Variants in CSMD1 observed in about 807,000 individuals in gnomAD.
CSMD1 encodes CUB and sushi domain-containing protein 1.
Under a neutral mutation model 417.5 loss-of-function variants are expected in CSMD1, and 213 were observed. The ratio of observed to expected loss-of-function variants is 0.51; its 90% CI spans 0.46 to 0.57. CSMD1 has a LOEUF of 0.57. Ranked by LOEUF, CSMD1 falls within the 20% of genes least tolerant of loss-of-function variation. CSMD1 has a pLI of 0.00. For synonymous variants in CSMD1, 2,862 were observed against 1,736.8 expected, an observed-to-expected ratio of 1.65 and a Z score of -16.11; for missense variants, 6,923 against 4,529.7, an observed-to-expected ratio of 1.53 and a Z score of -15.17.
intron 5 of CSMD1, among the ~76,000 whole-genome samples, chr8:3,928,692 C>T (rs945230701): frequency 1.3e-5 from 2 of 150,070 alleles, no homozygotes; most frequent in African/African-American, 2.5e-5. Context: ...TAAATTGCTC[C>T]TGCTCTTTGG....
chr8:3,486,535 C>T (rs539298850), intron 11 of CSMD1, among the ~76,000 whole-genome samples: 1 of 151,976 alleles, frequency 6.6e-6, no homozygotes, highest in African/African-American at 2.4e-5. Flanking sequence ...TTTGGCTCCT[C>T]AGAGAAAATA....
chr8:3,896,691 T>C (rs542623051), intron 5 of CSMD1, among the ~76,000 whole-genome samples: 1 of 151,958 alleles, frequency 6.6e-6, no homozygotes, highest in Non-Finnish European at 1.5e-5. Flanking sequence ...TTCTTATTTT[T>C]ATTGGAGACG....
At chr8:4,520,983 C>A (rs1054744725) in intron 2 of CSMD1, among the ~76,000 whole-genome samples, 1 of 152,108 alleles carries the variant, frequency 6.6e-6, no homozygotes, top group African/African-American at 2.4e-5. Flanking sequence ...GAATTACATT[C>A]ATGGCTCATT....
At chr8:3,982,343 C>A (rs1016322277) in intron 5 of CSMD1, among the ~76,000 whole-genome samples, 4 of 151,718 alleles carry the variant, frequency 2.6e-5, no homozygotes, top group Non-Finnish European at 4.4e-5. Context: ...AATATTCTCA[C>A]CTGCAAAATG....
At chr8:4,248,160 T>C (rs956082877) in intron 3 of CSMD1, among the ~76,000 whole-genome samples, 2 of 152,160 alleles carry the variant, frequency 1.3e-5, no homozygotes, top group Non-Finnish European at 2.9e-5. Context: ...AAGAAAAAAA[T>C]TGCTTTGAAA....
intron 49 of CSMD1, among the ~76,000 whole-genome samples, chr8:3,065,590 A>G (rs1812888870): frequency 1.3e-5 from 2 of 152,022 alleles, no homozygotes; most frequent in African/African-American, 4.8e-5. Flanking sequence ...AGATACACAG[A>G]TCGATAGGAA....
chr8:4,377,591 C>G (rs924061762), intron 3 of CSMD1, among the ~76,000 whole-genome samples: 1 of 152,146 alleles, frequency 6.6e-6, no homozygotes, highest in Non-Finnish European at 1.5e-5. Context: ...CAAGTAAATT[C>G]TCAAAGCCTC....
chr8:3,283,682 C>T (rs1563223459), intron 26 of CSMD1, among the ~76,000 whole-genome samples: 1 of 152,084 alleles, frequency 6.6e-6, no homozygotes, highest in Non-Finnish European at 1.5e-5. Context: ...AACCTTCATT[C>T]CAGAAGGACA....
chr8:3,396,137 C>A, intron 17 of CSMD1, 57 bp downstream of exon 17: 2 of 1,444,108 alleles, frequency 1.4e-6, no homozygotes, highest in Non-Finnish European at 1.9e-6. Flanking sequence ...GAACCCAGAT[C>A]TTTAGTTCTC....
intron 1 of CSMD1, among the ~76,000 whole-genome samples, chr8:4,641,820 G>A (rs1280957713): frequency 6.6e-6 from 1 of 152,056 alleles, no homozygotes; most frequent in African/African-American, 2.4e-5. Flanking sequence ...AAATTCTGTC[G>A]TTCTTTAAAA....
At chr8:4,754,162 C>G (rs574537667) in intron 1 of CSMD1, among the ~76,000 whole-genome samples, 6 of 152,214 alleles carry the variant, frequency 3.9e-5, no homozygotes, top group Admixed American at 2.6e-4. Context: ...TCTGATTGAG[C>G]AAAGCATGGG....
chr8:3,316,133 T>C (rs988550801), intron 23 of CSMD1, among the ~76,000 whole-genome samples: 1 of 152,190 alleles, frequency 6.6e-6, no homozygotes, highest in African/African-American at 2.4e-5. Flanking sequence ...ACTGAAATAA[T>C]TTCACTCTAA....
intron 1 of CSMD1, among the ~76,000 whole-genome samples, chr8:4,983,873 G>T (rs947278116): frequency 1.8e-4 from 28 of 152,086 alleles, no homozygotes; most frequent in Non-Finnish European, 7.3e-5. Context: ...AAGATGGGTG[G>T]GCTTGAGATA....
At chr8:3,311,233 C>G (rs1205367152) in intron 23 of CSMD1, among the ~76,000 whole-genome samples, 1 of 152,018 alleles carries the variant, frequency 6.6e-6, no homozygotes, top group African/African-American at 2.4e-5. Context: ...ATGAGATAGT[C>G]CTCCCCACTA....
intron 1 of CSMD1, among the ~76,000 whole-genome samples, chr8:4,834,481 C>A (rs1350854287): frequency 6.6e-6 from 1 of 152,068 alleles, no homozygotes; most frequent in Non-Finnish European, 1.5e-5. Context: ...TTTAGGCAGG[C>A]AGTGAAGTTC....
At chr8:3,259,335 C>G (rs1174930763) in intron 26 of CSMD1, among the ~76,000 whole-genome samples, 2 of 152,178 alleles carry the variant, frequency 1.3e-5, no homozygotes, top group South Asian at 2.1e-4. Flanking sequence ...AAGCAGGAAT[C>G]TTGACTTCGT....
chr8:3,749,243 T>C (rs1797203633), intron 6 of CSMD1, among the ~76,000 whole-genome samples: 1 of 152,204 alleles, frequency 6.6e-6, no homozygotes, highest in Admixed American at 6.5e-5. Flanking sequence ...TTTAAAGAAA[T>C]AATGTGTCCT....
chr8:3,521,897 C>A (rs759288404), intron 10 of CSMD1, among the ~76,000 whole-genome samples: 1 of 152,102 alleles, frequency 6.6e-6, no homozygotes, highest in Non-Finnish European at 1.5e-5. Flanking sequence ...TTTGTGTTGT[C>A]AATAAAAGCT....
At chr8:4,986,129 C>T (rs1811168235) in intron 1 of CSMD1, among the ~76,000 whole-genome samples, 1 of 152,164 alleles carries the variant, frequency 6.6e-6, no homozygotes, top group Non-Finnish European at 1.5e-5. Context: ...GGACTTTGAA[C>T]ATTCATAAGG....
Sources: allele counts gnomAD v4.1 joint callset (sites outside exome capture counted in the v4.1 genomes callset), GRCh38; gene constraint gnomAD v4.1.1; transcripts MANE v1.5; gene names NCBI Gene and HGNC (gene_info 2026-07-23, HGNC 2026-07-21).